Variants in NUDC observed in about 807,000 individuals in gnomAD.
The protein encoded by NUDC is nuclear migration protein nudC.
A neutral mutation model predicts 45.0 loss-of-function variants in NUDC; 14 were observed. The observed-to-expected ratio is 0.31, with a 90% CI of 0.21 to 0.49. The LOEUF (loss-of-function observed/expected upper bound fraction) is 0.49, where lower values mean the gene tolerates loss of function less well. Among genes scored for constraint, NUDC ranks in the 20% least tolerant of loss-of-function variants. NUDC has a pLI of 0.99. For synonymous variants in NUDC, 153 were observed against 156.7 expected (o/e 0.98, Z 0.17); for missense variants, 323 against 426.2 (o/e 0.76, Z 2.13).
intron 2 of NUDC, among the ~76,000 whole-genome samples, chr1:26,932,456 G>A (rs1245632939): frequency 6.6e-6 from 1 of 152,070 alleles, no homozygotes; most frequent in Non-Finnish European, 1.5e-5. Context: ...TGGGATTACA[G>A]GTGTGAGCCA....
intron 2 of NUDC, among the ~76,000 whole-genome samples, chr1:26,939,305 A>C (rs2082259157): frequency 6.6e-6 from 1 of 151,856 alleles, no homozygotes; most frequent in South Asian, 2.1e-4. Flanking sequence ...GGCATGAGCC[A>C]CCACACCTGG....
chr1:26,913,602 C>T lies in NUDC; in HGVS notation c.93+2367C>T, dbSNP rs143133224. The T allele has an allele frequency of 1.3e-3, 2,036 of 1,614,058 alleles. 4 individuals carry two copies. Among genetic ancestry groups the T allele is most frequent in the Non-Finnish European group, 1.6e-3 (1,886 of 1,179,994 alleles). ...GAATCTTCTTGAGTATGCTGGGCACCGGGGCCTCAGCCACCTCAAAGGTCA... is the reference window on the plus strand; with the variant it reads ...GAATCTTCTTGAGTATGCTGGGCACTGGGGCCTCAGCCACCTCAAAGGTCA... On this transcript the variant is annotated intron_variant, in intron 3 of 6. Coordinates refer to the NUDC transcript ENST00000435827.
intron 4 of NUDC, 122 bp downstream of exon 4, chr1:26,941,940 A>G: frequency 1.1e-6 from 1 of 917,132 alleles, no homozygotes; most frequent in South Asian, 1.4e-5. Flanking sequence ...TGGCTTTGGG[A>G]ATCTTCCCCA....
intron 2 of NUDC, among the ~76,000 whole-genome samples, chr1:26,936,207 G>T (rs1320102842): frequency 4.6e-5 from 2 of 43,422 alleles, no homozygotes; most frequent in Admixed American, 3.0e-4. Flanking sequence ...TTTTTTTTTT[G>T]AGATGGAGTT....
intron 3 of NUDC, chr1:26,914,037 C>T: frequency 9.8e-7 from 1 of 1,020,784 alleles, no homozygotes; most frequent in Non-Finnish European, 1.3e-6. Flanking sequence ...GGGAATGGCC[C>T]AACAACCTTG....
rs930693811 is a variant in NUDC, at chr1:26,924,079, C to A, written c.82-10C>A. The A allele has an allele frequency of 1.2e-5, 19 of 1,613,714 alleles. No homozygotes were observed. Among genetic ancestry groups the A allele is most frequent in the Middle Eastern group, 1.6e-4 (1 of 6,082 alleles). On this transcript the variant is annotated splice_polypyrimidine_tract_variant and intron_variant, in intron 1 of 8. Transcript: ENST00000321265. ...AGCTCTACTACTTTAATCTTCTCCC[C>A]CTCTTTCAGCTTGTGAACACCTTCT... is the stretch of plus-strand genomic sequence containing the variant.
At chr1:26,927,165 G>C (rs1437804678) in intron 2 of NUDC, among the ~76,000 whole-genome samples, 1 of 136,464 alleles carries the variant, frequency 7.3e-6, no homozygotes, top group Non-Finnish European at 1.6e-5. Context: ...ATGAATAGCT[G>C]TAAGAAGGGA....
At chr1:26,938,787 C>T (rs370125195) in intron 2 of NUDC, among the ~76,000 whole-genome samples, 1 of 152,196 alleles carries the variant, frequency 6.6e-6, no homozygotes, top group African/African-American at 2.4e-5. Context: ...CCACTGATCA[C>T]ATGGCAAGTG....
At chr1:26,901,789 G>C (rs1484609379) in intron 1 of NUDC, among the ~76,000 whole-genome samples, 1 of 152,030 alleles carries the variant, frequency 6.6e-6, no homozygotes, top group Non-Finnish European at 1.5e-5. Flanking sequence ...CATTATACTG[G>C]GTGATAGGAG....
intron 2 of NUDC, among the ~76,000 whole-genome samples, chr1:26,930,359 G>A (rs111479614): frequency 0.012 from 1,851 of 152,186 alleles, 39 homozygotes; most frequent in African/African-American, 0.042. Flanking sequence ...TTGTAGAGTG[G>A]GGGTTTCACC....
intron 2 of NUDC, among the ~76,000 whole-genome samples, chr1:26,903,768 T>G (rs2081990507): frequency 6.6e-6 from 1 of 151,952 alleles, no homozygotes; most frequent in Non-Finnish European, 1.5e-5. Context: ...TCCAGCACTT[T>G]GGGAGGCCGA....
At chr1:26,938,906 T>G (rs1372098728) in intron 2 of NUDC, among the ~76,000 whole-genome samples, 1 of 152,212 alleles carries the variant, frequency 6.6e-6, no homozygotes, top group African/African-American at 2.4e-5. Flanking sequence ...GAGGTGAAAC[T>G]TTGACACTTG....
Position 26,921,979 on chromosome 1 carries a change from T to TTCCGCCC in NUDC, c.81+52_81+58dup, listed in dbSNP as rs756233710. On this transcript the variant is annotated intron_variant, in intron 1 of 8. Coordinates refer to ENST00000321265, the MANE Select transcript of NUDC (RefSeq NM_006600.4). ...CACCCGGCGGCCTTGGCCACGCTCC[T>TTCCGCCC]TCCGCCCTTCTCTGCCTTCGAGGGC... The TTCCGCCC allele has an allele frequency of 6.6e-6, 10 of 1,526,602 alleles. 1 individual carries two copies. In the South Asian group the frequency reaches 1.2e-4, roughly 18 times the overall value. 94.6% of individuals were successfully genotyped at this position (1,526,602 alleles called of 1,614,324 possible).
intron 4 of NUDC, among the ~76,000 whole-genome samples, chr1:26,942,089 C>G (rs1488950127): frequency 1.3e-5 from 2 of 152,058 alleles, no homozygotes; most frequent in Non-Finnish European, 1.5e-5. Flanking sequence ...GTCTGGAGTT[C>G]AAGACCAACT....
intron 2 of NUDC, among the ~76,000 whole-genome samples, chr1:26,902,885 C>A (rs1570706018): frequency 6.6e-6 from 1 of 152,020 alleles, no homozygotes; most frequent in African/African-American, 2.4e-5. Flanking sequence ...CCCGTCTCTA[C>A]TAAAAATACA....
intron 2 of NUDC, among the ~76,000 whole-genome samples, chr1:26,935,126 T>A (rs2082217589): frequency 6.6e-6 from 1 of 151,820 alleles, no homozygotes; most frequent in Non-Finnish European, 1.5e-5. Context: ...GGATTACAGG[T>A]GCCTGCCACC....
chr1:26,929,015 G>A (rs1245838762), intron 2 of NUDC, among the ~76,000 whole-genome samples: 1 of 152,122 alleles, frequency 6.6e-6, no homozygotes, highest in Non-Finnish European at 1.5e-5. Context: ...GGAACCAAAG[G>A]CTCCATCAGC....
intron 2 of NUDC, among the ~76,000 whole-genome samples, chr1:26,909,190 G>A (rs1479384669): frequency 2.0e-5 from 3 of 152,138 alleles, no homozygotes; most frequent in South Asian, 2.1e-4. Context: ...GGCCAGGCTC[G>A]TCTTGAACTC....
Position 26,945,827 on chromosome 1 carries a change from G to T in NUDC, c.944+141G>T, listed in dbSNP as rs1557683217. On this transcript the variant is annotated intron_variant, in intron 8 of 8. Transcript: ENST00000321265. ...CCATGTTTATGGCTTTATGGCTTTG[G>T]CTTGCCTACTCTTGTCATTTGCTGA... The T allele has an allele frequency of 1.8e-5, 14 of 797,622 alleles. 1 individual carries two copies. Among genetic ancestry groups the T allele is most frequent in the South Asian group, 1.4e-4 (10 of 71,898 alleles). 49.4% of individuals were successfully genotyped at this position (797,622 alleles called of 1,614,324 possible).
Sources: allele counts gnomAD v4.1 joint callset (sites outside exome capture counted in the v4.1 genomes callset), GRCh38; gene constraint gnomAD v4.1.1; transcripts MANE v1.5; gene names NCBI Gene and HGNC (gene_info 2026-07-23, HGNC 2026-07-21).